Variants in ASH1L observed in about 807,000 individuals in gnomAD.
ASH1L encodes histone-lysine N-methyltransferase ASH1L.
ASH1L carries 23 observed loss-of-function variants against 269.0 expected under a neutral mutation model. The observed-to-expected ratio is 0.09, with a 90% confidence interval of 0.06 to 0.12. The LOEUF (loss-of-function observed/expected upper bound fraction) is 0.12, where lower values mean the gene tolerates loss of function less well. ASH1L is among the 10% of genes least tolerant of loss of function. The pLI is 1.00. For missense variants in ASH1L, 2,912 were observed against 3,567.8 expected (o/e 0.82, Z 4.68); for synonymous variants, 1,187 against 1,253.5 (o/e 0.95, Z 1.12).
chr1:155,409,623 T>TTAATA (rs1659595958), intron 6 of ASH1L, among the ~76,000 whole-genome samples: 3 of 152,158 alleles, frequency 2.0e-5, no homozygotes, highest in Non-Finnish European at 2.9e-5. Flanking sequence ...TAAATTTTAT[T>TTAATA]AAGTTTTATT....
intron 1 of ASH1L, among the ~76,000 whole-genome samples, chr1:155,538,619 G>C (rs1215981861): frequency 6.7e-6 from 1 of 149,720 alleles, no homozygotes. Flanking sequence ...TGGGATTACA[G>C]GTGTGAACCA....
chr1:155,513,900 T>A (rs2148824104), intron 2 of ASH1L, among the ~76,000 whole-genome samples: 1 of 152,320 alleles, frequency 6.6e-6, no homozygotes, highest in East Asian at 1.9e-4. Context: ...AAACAGCTTC[T>A]GAATCTGACA....
intron 2 of ASH1L, among the ~76,000 whole-genome samples, chr1:155,483,264 C>A (rs944862391): frequency 5.9e-5 from 9 of 152,124 alleles, no homozygotes; most frequent in Non-Finnish European, 1.3e-4. Context: ...ATAAAGACGA[C>A]AATTTTCCCT....
intron 1 of ASH1L, among the ~76,000 whole-genome samples, chr1:155,559,775 C>T (rs915006677): frequency 3.9e-5 from 6 of 152,010 alleles, no homozygotes; most frequent in Non-Finnish European, 4.4e-5. Context: ...GCACAGAGAC[C>T]ATATATTATT....
rs1321794654 is a variant in ASH1L, at chr1:155,562,375, G to T, written c.-322C>A. The T allele has an allele frequency of 2.0e-6, 3 of 1,512,660 alleles. No individual in the cohort carries two copies. The highest frequency in any genetic ancestry group is 2.4e-5 in the East Asian group (1 of 41,366). The allele number at this position is 1,512,660 out of a possible 1,614,324, so 93.7% of individuals were successfully genotyped here. On this transcript the variant is annotated 5_prime_UTR_variant, in exon 1 of 28. Coordinates refer to ENST00000392403, the MANE Select transcript of ASH1L (RefSeq NM_018489.3). ...CTGAGGGGAGGCGGGTCCCGCAACC[G>T]AGACTGGGATCGTCTCCCCTCCGCA...
At chr1:155,546,072 C>A (rs962467087) in intron 1 of ASH1L, among the ~76,000 whole-genome samples, 2 of 150,344 alleles carry the variant, frequency 1.3e-5, no homozygotes, top group Non-Finnish European at 3.0e-5. Flanking sequence ...GCAGGAGAAT[C>A]GCTTGAGCCT....
At chr1:155,397,128 A>G (rs1658421492) in intron 6 of ASH1L, 1 of 151,344 alleles carries the variant, frequency 6.6e-6, no homozygotes, top group South Asian at 2.1e-4. Context: ...CTCTGTCAAA[A>G]AAAGAAAAAA....
At chr1:155,468,228 A>ACT in intron 3 of ASH1L, among the ~76,000 whole-genome samples, 1 of 127,328 alleles carries the variant, frequency 7.9e-6, no homozygotes, top group Non-Finnish European at 1.6e-5. Flanking sequence ...TATTATTATT[A>ACT]TTATTTTTTT....
At chr1:155,406,640 C>T (rs1020676169) in intron 6 of ASH1L, among the ~76,000 whole-genome samples, 2 of 152,028 alleles carry the variant, frequency 1.3e-5, no homozygotes, top group Non-Finnish European at 2.9e-5. Flanking sequence ...GAGAAAGAGG[C>T]TGAAGTGAGC....
intron 13 of ASH1L, among the ~76,000 whole-genome samples, chr1:155,359,863 G>A (rs1187351973): frequency 6.6e-6 from 1 of 150,554 alleles, no homozygotes; most frequent in Non-Finnish European, 1.5e-5. Context: ...ACAGGAATAA[G>A]CCATTGCGCC....
intron 2 of ASH1L, among the ~76,000 whole-genome samples, chr1:155,499,320 A>C (rs1023589493): frequency 1.3e-5 from 2 of 152,204 alleles, no homozygotes; most frequent in African/African-American, 4.8e-5. Flanking sequence ...CAAAGTCTTC[A>C]GGGTCTTTTT....
Position 155,478,319 on chromosome 1 carries a change from A to G in ASH1L, c.4551T>C (p.Tyr1517=). 1 of 1,614,060 alleles carries G rather than the reference A, an allele frequency of 6.2e-7. No homozygotes were observed. Among genetic ancestry groups the G allele is most frequent in the South Asian group, 1.1e-5 (1 of 91,076 alleles). ...CTCCAACAGCATCCTTTCCAAATCT[A>G]TAGCGCTTCAAAGATTCCAGGACAG... ...SRSVLESLKR[Y]RFGKDAVGER... The change falls in exon 3 of 28, where the codon TAT becomes TAC. Residue 1517 remains tyrosine, a synonymous_variant. Transcript: ENST00000392403. The surrounding 1 kb of genome is among the most constrained non-coding windows in gnomAD (Gnocchi z 4.6).
At chr1:155,416,407 C>T (rs770184338) in intron 5 of ASH1L, among the ~76,000 whole-genome samples, 4 of 151,898 alleles carry the variant, frequency 2.6e-5, no homozygotes, top group Non-Finnish European at 5.9e-5. Flanking sequence ...CATGAGCCAC[C>T]GTGCCCGGCA....
rs193002134 is a variant in ASH1L at position 155,478,342 on chromosome 1, C to T, written c.4528G>A (p.Val1510Ile). 6.2e-7 allele frequency: 1 copy of T among 1,614,082 alleles called. No individual in the cohort carries two copies. Among genetic ancestry groups the T allele is most frequent in the East Asian group, 2.2e-5 (1 of 44,874 alleles). ...CTATAGCGCTTCAAAGATTCCAGGA[C>T]AGATCGGGAAGAGCCAGTGTCCATA... ...VSMDTGSSRS[V>I]LESLKRYRFG... is the part of the protein sequence containing the mutation. Residue 1510 changes from valine to isoleucine, a missense_variant, in exon 3 of 28, where the codon GTC becomes ATC. Physicochemically the swap from Val to Ile is conservative, Grantham distance 29 (BLOSUM62 3). This residue lies in a region of ASH1L where 789 missense variants were observed against 897.6 expected (regional missense o/e 0.88). Coordinates refer to ENST00000392403, the MANE Select transcript of ASH1L (RefSeq NM_018489.3). The surrounding 1 kb of genome is among the most constrained non-coding windows in gnomAD (Gnocchi z 4.6).
intron 5 of ASH1L, among the ~76,000 whole-genome samples, chr1:155,418,178 A>G (rs1200934011): frequency 6.6e-6 from 1 of 152,162 alleles, no homozygotes; most frequent in Non-Finnish European, 1.5e-5. Context: ...AGGGGAAAAA[A>G]TCATTCAGTA....
intron 3 of ASH1L, among the ~76,000 whole-genome samples, chr1:155,465,660 T>A (rs1664630035): frequency 1.3e-5 from 2 of 152,232 alleles, no homozygotes; most frequent in African/African-American, 4.8e-5. Context: ...TTACAAAAGT[T>A]TAGTTTTAAA....
chr1:155,500,112 G>A (rs1667409427), intron 2 of ASH1L, among the ~76,000 whole-genome samples: 1 of 152,208 alleles, frequency 6.6e-6, no homozygotes, highest in African/African-American at 2.4e-5. Flanking sequence ...CCCAATGGCA[G>A]GGATTTGCTT....
chr1:155,474,832 C>T (rs1191631138), intron 3 of ASH1L, among the ~76,000 whole-genome samples: 1 of 152,208 alleles, frequency 6.6e-6, no homozygotes, highest in Non-Finnish European at 1.5e-5. Context: ...AATCTAAGCA[C>T]CATCATGTTA....
intron 1 of ASH1L, among the ~76,000 whole-genome samples, chr1:155,534,855 T>C (rs1035313753): frequency 3.9e-5 from 6 of 152,230 alleles, no homozygotes; most frequent in African/African-American, 1.4e-4. Flanking sequence ...AAAATTGCCA[T>C]GTTATAGATT....
Sources: gnomAD v4.1 joint callset for allele counts (sites outside exome capture counted in the v4.1 genomes callset) on GRCh38, gnomAD v4.1.1 for gene constraint, gnomAD v4.1.1 regional missense constraint, Gnocchi (gnomAD v3.1) non-coding constraint, MANE v1.5 for transcripts, NCBI Gene and HGNC (gene_info 2026-07-23, HGNC 2026-07-21) for gene names.